GPR22: variants seen among roughly 807,000 people sequenced by gnomAD.
GPR22 encodes G protein-coupled receptor 22, also known as G-protein coupled receptor 22.
Under a neutral mutation model 31.0 loss-of-function variants are expected in GPR22, and 13 were observed. The ratio of observed to expected loss-of-function variants is 0.42; its 90% CI spans 0.27 to 0.67. GPR22 has a LOEUF of 0.67. GPR22 is among the 30% of genes least tolerant of loss of function. The probability of loss-of-function intolerance (pLI) is 0.25; values close to 1 mark genes in which losing one functional copy is unlikely to be tolerated. For missense variants in GPR22, 368 were observed against 509.6 expected (o/e 0.72, Z 2.67); for synonymous variants, 191 against 173.4 (o/e 1.10, Z -0.80).
chr7:107,470,512 T>C (rs574383195), intron 1 of GPR22, 67 bp downstream of exon 1: 2 of 152,262 alleles, frequency 1.3e-5, no homozygotes, highest in Admixed American at 6.6e-5. Flanking sequence ...AAAATTACTT[T>C]GAAAAATTTC....
rs1796630161 is a variant in GPR22 at position 107,471,489 on chromosome 7, G to A, written c.-840G>A. On this transcript the variant is annotated 5_prime_UTR_variant, in exon 2 of 3. Coordinates refer to ENST00000304402, the MANE Select transcript of GPR22 (RefSeq NM_005295.3). ...AGATGTTCTTGTAACACGACTTTAA[G>A]ACATTAAGGAGTTAAAACCAGGGAA... is the stretch of plus-strand genomic sequence containing the variant. 6.6e-6 allele frequency: 1 copy of A among 151,932 alleles called. No individual in the cohort carries two copies. The highest frequency in any genetic ancestry group is 2.1e-4 in the South Asian group (1 of 4,826). 9.4% of individuals were successfully genotyped at this position (151,932 alleles called of 1,614,324 possible).
downstream of GPR22, among the ~76,000 whole-genome samples, chr7:107,476,573 C>T (rs1048682767): frequency 4.0e-5 from 6 of 151,570 alleles, no homozygotes; most frequent in Admixed American, 1.3e-4. Flanking sequence ...AAATTACTAA[C>T]CCTAACTACA....
At position 107,475,094 on chromosome 7, in the gene GPR22, T is replaced by C. The variant is rs1304946962; in HGVS notation, c.1034T>C (p.Leu345Ser). The change falls in exon 3 of 3, where the codon TTA becomes TCA. Residue 345 changes from leucine to serine, a missense_variant. Leu to Ser is a moderately radical substitution (Grantham distance 145). Transcript: ENST00000304402. Reference protein sequence around the residue: ...TILCLGPSDLLVKLRLCFLVM... With the variant: ...TILCLGPSDLSVKLRLCFLVM... Reference sequence around the variant, plus strand: ...TTATGTTTAGGCCCAAGTGACCTTTTAGTAAAATTAAGATTGTGTTTTTTA... The same window carrying C: ...TTATGTTTAGGCCCAAGTGACCTTTCAGTAAAATTAAGATTGTGTTTTTTA... 2 of 1,612,804 alleles carry C rather than the reference T, an allele frequency of 1.2e-6. No homozygotes were observed. Among genetic ancestry groups the C allele is most frequent in the Non-Finnish European group, 1.7e-6 (2 of 1,179,270 alleles).
At chr7:107,475,811 A>C (rs1796941251), downstream of GPR22, among the ~76,000 whole-genome samples, 1 of 151,746 alleles carries the variant, frequency 6.6e-6, no homozygotes, top group Non-Finnish European at 1.5e-5. Flanking sequence ...GCTCAAAACA[A>C]TCCAGTATTT....
downstream of GPR22, among the ~76,000 whole-genome samples, chr7:107,476,183 T>TAAAAAAAAAAAAAAAAA (rs1563056700): frequency 3.0e-3 from 262 of 86,140 alleles, 3 homozygotes; most frequent in Non-Finnish European, 3.5e-3. Context: ...TGCAATGATT[T>TAAAAAAAAAAAAAAAAA]TAAAAAAAAA....
chr7:107,475,492 T>C lies in GPR22; in HGVS notation c.*130T>C. On this transcript the variant is annotated 3_prime_UTR_variant, in exon 3 of 3. Transcript: ENST00000304402. ...TTATGTTGTAAATTTTCAATGTGAA[T>C]GTCAATTAGATAGGTCATATATATT... is the stretch of plus-strand genomic sequence containing the variant. 1 of 565,172 alleles carries C rather than the reference T, an allele frequency of 1.8e-6. No homozygotes were observed. The highest frequency in any genetic ancestry group is 3.1e-6 in the Non-Finnish European group (1 of 318,252). 35.0% of individuals were successfully genotyped at this position (565,172 alleles called of 1,614,324 possible).
In GPR22 at chr7:107,470,242, T is replaced by A. The variant is rs1796555117; in HGVS notation, c.-1161T>A. On this transcript the variant is annotated 5_prime_UTR_variant, in exon 1 of 3. Transcript: ENST00000304402. ...GGAAGAGTGAGAGACTGCAGCAGCC[T>A]CTAAGCAGCACTACATGTTCCATAC... 3 of 152,242 alleles carry A rather than the reference T, an allele frequency of 2.0e-5. 1 individual carries two copies. The allele number at this position is 152,242 out of a possible 1,614,324, so 9.4% of individuals were successfully genotyped here. A position where few individuals can be genotyped will look rare whatever the true frequency, so the allele number is the denominator to read the frequency against.
In GPR22 at chr7:107,472,085, C is replaced by A. The variant is rs1796667657; in HGVS notation, c.-244C>A. ...ATTCTGGAAAATAAAGAAATATTAT[C>A]ATGTACTCCATCAAAGGGAAACATA... On this transcript the variant is annotated 5_prime_UTR_variant, in exon 2 of 3. The change creates a premature stop within an existing upstream ORF in the 5' untranslated region. Coordinates refer to ENST00000304402, the MANE Select transcript of GPR22 (RefSeq NM_005295.3). The A allele has an allele frequency of 6.6e-6, 1 of 151,966 alleles. No individual in the cohort carries two copies. The highest frequency in any genetic ancestry group is 2.1e-4 in the South Asian group (1 of 4,826). 9.4% of individuals were successfully genotyped at this position (151,966 alleles called of 1,614,324 possible). A position where few individuals can be genotyped will look rare whatever the true frequency, so the allele number is the denominator to read the frequency against.
In GPR22 at chr7:107,474,483, T is replaced by C. The variant is rs765724107; in HGVS notation, c.423T>C (p.Tyr141=). The change falls in exon 3 of 3, where the codon TAT becomes TAC. Residue 141 remains tyrosine, a synonymous_variant. Coordinates refer to ENST00000304402, the MANE Select transcript of GPR22 (RefSeq NM_005295.3). This position sits in a 1 kb window ranked among gnomAD's most constrained non-coding sequence, Gnocchi z 5.7. ...INVFAITLDR[Y]DISVKPANRI... Reference sequence around the variant, plus strand: ...TTTTTGCTATCACTTTGGACAGATATGACATCTCTGTAAAACCTGCAAACC... The same window carrying C: ...TTTTTGCTATCACTTTGGACAGATACGACATCTCTGTAAAACCTGCAAACC... 30 of 1,613,240 alleles carry C rather than the reference T, an allele frequency of 1.9e-5. No individual in the cohort carries two copies. Among genetic ancestry groups the C allele is most frequent in the Middle Eastern group, 1.6e-4 (1 of 6,084 alleles).
chr7:107,470,897 A>G (rs1045724797), intron 1 of GPR22, among the ~76,000 whole-genome samples: 2 of 151,978 alleles, frequency 1.3e-5, no homozygotes, highest in African/African-American at 4.8e-5. Context: ...TGAACAATTC[A>G]TCAATGGAAA....
intron 2 of GPR22, among the ~76,000 whole-genome samples, 153 bp from the exon 3 acceptor site, chr7:107,473,882 G>C (rs1420945472): frequency 5.9e-5 from 9 of 151,878 alleles, no homozygotes; most frequent in African/African-American, 2.2e-4. Context: ...ATGCAAACTT[G>C]ATGGTTCTTA....
chr7:107,472,826 T>C (rs1796718351), intron 2 of GPR22: 1 of 151,924 alleles, frequency 6.6e-6, no homozygotes, highest in Non-Finnish European at 1.5e-5. Context: ...ATAATTTATG[T>C]TGAATATGAT....
At chr7:107,471,323 CA>C (rs1685493660) in intron 1 of GPR22, 48 bp from the exon 2 acceptor site, 1 of 151,934 alleles carries the variant, frequency 6.6e-6, no homozygotes, top group African/African-American at 2.4e-5. Context: ...CAATTAATTA[CA>C]AATTATTAAA....
chr7:107,474,720 C>T lies in GPR22; in HGVS notation c.660C>T (p.Phe220=), dbSNP rs188464963. The T allele has an allele frequency of 1.9e-6, 3 of 1,611,010 alleles. No homozygotes were observed. The highest frequency in any genetic ancestry group is 2.2e-5 in the East Asian group (1 of 44,762). ...YYHLLVQIPI[F]FFTVVVMLIT... is the part of the protein sequence containing the mutation. Reference sequence around the variant, plus strand: ...ACCTGTTAGTACAGATCCCAATATTCTTTTTCACTGTTGTAGTAATGTTAA... The same window carrying T: ...ACCTGTTAGTACAGATCCCAATATTTTTTTTCACTGTTGTAGTAATGTTAA... Residue 220 remains phenylalanine (F), a synonymous_variant, in exon 3 of 3, where the codon TTC becomes TTT. Transcript: ENST00000304402. This position sits in a 1 kb window ranked among gnomAD's most constrained non-coding sequence, Gnocchi z 5.7.
At chr7:107,477,417 G>A (rs76191026), downstream of GPR22, among the ~76,000 whole-genome samples, 1,892 of 151,628 alleles carry the variant, frequency 0.012, 49 homozygotes, top group African/African-American at 0.042. Context: ...AAAGAACTCA[G>A]TATAAAAAAG....
In GPR22 at chr7:107,475,127, CT is replaced by C; in HGVS notation, c.1069del (p.Tyr357MetfsTer22). 1 of 1,610,120 alleles carries C rather than the reference CT, an allele frequency of 6.2e-7. No individual in the cohort carries two copies. Among genetic ancestry groups the C allele is most frequent in the East Asian group, 2.2e-5 (1 of 44,844 alleles). On this transcript the variant is annotated frameshift_variant, in exon 3 of 3. Coordinates refer to ENST00000304402, the MANE Select transcript of GPR22 (RefSeq NM_005295.3). LOFTEE classifies it high-confidence loss of function. ...VKLRLCFLVM[A>X]YGTTIFHPLL... ...TTAAGATTGTGTTTTTTAGTCATGG[CT>C]TATGGAACAACTATATTTCACCCTC...
chr7:107,474,361 G>A lies in GPR22; in HGVS notation c.301G>A (p.Val101Ile). The change falls in exon 3 of 3, where the codon GTT (valine) becomes ATT (isoleucine). Residue 101 changes from valine (V) to isoleucine (I), a missense_variant. Val to Ile is a conservative substitution (Grantham distance 29, BLOSUM62 3). Transcript: ENST00000304402. The surrounding 1 kb of genome is among the most constrained non-coding windows in gnomAD (Gnocchi z 5.7). ...TGTGGGATGTATTCCTCTAACTATAGTTATCCTTCTGCTTTCACTGGAGAG... is the reference window on the plus strand; with the variant it reads ...TGTGGGATGTATTCCTCTAACTATAATTATCCTTCTGCTTTCACTGGAGAG... Reference protein sequence around the residue: ...ICVGCIPLTIVILLLSLESNT... With the variant: ...ICVGCIPLTIIILLLSLESNT... The A allele has an allele frequency of 1.2e-6, 2 of 1,612,654 alleles. No homozygotes were observed. The highest frequency in any genetic ancestry group is 8.5e-7 in the Non-Finnish European group (1 of 1,178,898).
chr7:107,476,828 A>G (rs759700665), downstream of GPR22, among the ~76,000 whole-genome samples: 23 of 151,714 alleles, frequency 1.5e-4, no homozygotes, highest in Non-Finnish European at 3.1e-4. Flanking sequence ...TCAATAATAT[A>G]TCACTTTTAT....
rs762775120 is a variant in GPR22, at chr7:107,474,196, G to A, written c.136G>A (p.Gly46Arg). The change falls in exon 3 of 3, where the codon GGA (glycine) becomes AGA (arginine). Residue 46 changes from glycine (G) to arginine (R), a missense_variant. Physicochemically the swap from Gly to Arg is moderately radical, Grantham distance 125. Transcript: ENST00000304402. The surrounding 1 kb of genome is among the most constrained non-coding windows in gnomAD (Gnocchi z 5.7). ...GTTAAGCTTTCAAGTGTCTCTCACC[G>A]GATTTCTTATGTTAGAAATTGTGTT... ...YPLSFQVSLTGFLMLEIVLGL... is the reference protein window; with the variant it reads ...YPLSFQVSLTRFLMLEIVLGL... The A allele has an allele frequency of 2.5e-6, 4 of 1,612,766 alleles. No homozygotes were observed. Among genetic ancestry groups the A allele is most frequent in the Non-Finnish European group, 3.4e-6 (4 of 1,179,044 alleles).
Sources: allele counts gnomAD v4.1 joint callset (sites outside exome capture counted in the v4.1 genomes callset), GRCh38; gene constraint gnomAD v4.1.1; non-coding constraint Gnocchi (gnomAD v3.1); transcripts MANE v1.5; gene names NCBI Gene and HGNC (gene_info 2026-07-23, HGNC 2026-07-21).